The following FLT1 variants were observed in gnomAD, a reference collection of about 807,000 sequenced individuals.
The protein encoded by FLT1 is vascular endothelial growth factor receptor 1.
FLT1 carries 49 observed loss-of-function variants against 156.3 expected under a neutral mutation model. The ratio of observed to expected loss-of-function variants is 0.31; its 90% CI spans 0.25 to 0.40. The LOEUF is 0.40. FLT1 is among the 10% of genes least tolerant of loss of function. The probability of loss-of-function intolerance (pLI) is 1.00; values close to 1 mark genes in which losing one functional copy is unlikely to be tolerated. For missense variants in FLT1, 1,322 were observed against 1,637.2 expected (o/e 0.81, Z 3.32); for synonymous variants, 594 against 583.8 (o/e 1.02, Z -0.25).
At chr13:28,438,690 C>T (rs1878175629) in intron 3 of FLT1, among the ~76,000 whole-genome samples, 7 of 152,222 alleles carry the variant, frequency 4.6e-5, no homozygotes, top group Admixed American at 4.6e-4. Context: ...CTCACCACAG[C>T]TATGCTAAGT....
chr13:28,368,671 C>G, intron 14 of FLT1: 1 of 792,760 alleles, frequency 1.3e-6, no homozygotes, highest in East Asian at 2.7e-5. Context: ...GTTCTAGGTA[C>G]ACAGTAAATA....
chr13:28,386,533 A>G (rs1189473990), intron 13 of FLT1: 1 of 1,052,110 alleles, frequency 9.5e-7, no homozygotes, highest in African/African-American at 1.7e-5. Context: ...AATGAATGAT[A>G]GCAATGATTC....
chr13:28,420,549 G>A (rs943289690), intron 10 of FLT1, among the ~76,000 whole-genome samples: 1 of 152,144 alleles, frequency 6.6e-6, no homozygotes, highest in Non-Finnish European at 1.5e-5. Flanking sequence ...CAAAAGAAGA[G>A]GTCTTAAATT....
intron 1 of FLT1, among the ~76,000 whole-genome samples, chr13:28,473,704 AAG>A (rs1430103342): frequency 1.5e-5 from 1 of 67,220 alleles, no homozygotes; most frequent in Non-Finnish European, 2.8e-5. Flanking sequence ...AAAGAAAAGA[AAG>A]AAAGAAAGAA....
rs749094943 is a variant in FLT1, at chr13:28,303,305, G to A, written c.3879C>T (p.Cys1293=). 6.2e-7 allele frequency: 1 copy of A among 1,614,078 alleles called. No homozygotes were observed. The highest frequency in any genetic ancestry group is 8.5e-7 in the Non-Finnish European group (1 of 1,180,022). ...CGCTGACGTGCCCACAGCTGGAATG[G>A]CAGAAACTGGGCCTGCTGACATCAG... The part of the protein sequence containing the change: ...GLSDVSRPSF[C]HSSCGHVSEG... Residue 1293 remains cysteine (C), a synonymous_variant, in exon 30 of 30, where the codon TGC becomes TGT. Coordinates refer to ENST00000282397, the MANE Select transcript of FLT1 (RefSeq NM_002019.4).
rs1415002879 is a variant in FLT1 at position 28,380,978 on chromosome 13, C to T, written c.2116+3907G>A. ...ATGAGTTGCCCAAATTCTTATATGA[C>T]TCATGAGGGCCATGCTAGGACTCAA... On this transcript the variant is annotated intron_variant, in intron 14 of 29. Coordinates refer to ENST00000282397, the MANE Select transcript of FLT1 (RefSeq NM_002019.4). Among the ~76,000 whole-genome samples the T allele has an allele frequency of 2.6e-5, 4 of 152,078 alleles. No individual in the cohort carries two copies. The East Asian group carries it at 5.8e-4, about 22-fold the overall frequency.
In FLT1 at chr13:28,339,065, A is replaced by G. The variant is rs117330651; in HGVS notation, c.2488+103T>C. 891 of 1,055,730 alleles carry G rather than the reference A, an allele frequency of 8.4e-4. 13 individuals are homozygous for G. In the East Asian group the frequency reaches 0.021, roughly 25 times the overall value. The allele number at this position is 1,055,730 out of a possible 1,614,324, so 65.4% of individuals were successfully genotyped here. ...GCTAGTCTGTGAGCAGCTGGAGGGT[A>G]GAATCCCAGGTCTAGTTTACTTTCG... On this transcript the variant is annotated intron_variant, in intron 17 of 29. Transcript: ENST00000282397.
intron 16 of FLT1, among the ~76,000 whole-genome samples, chr13:28,342,970 T>TCTCTCTG (rs879279415): frequency 1.0e-5 from 1 of 98,042 alleles, no homozygotes; most frequent in African/African-American, 4.0e-5. Flanking sequence ...CTCTCTCTCT[T>TCTCTCTG]TCTTTCTTTC....
intron 1 of FLT1, among the ~76,000 whole-genome samples, chr13:28,478,386 T>C (rs891875297): frequency 6.6e-6 from 1 of 152,206 alleles, no homozygotes; most frequent in Non-Finnish European, 1.5e-5. Flanking sequence ...AGTGTCAAAG[T>C]TCCAGGCATC....
At chr13:28,425,323 T>C (rs563920294) in intron 10 of FLT1, among the ~76,000 whole-genome samples, 24 of 152,340 alleles carry the variant, frequency 1.6e-4, no homozygotes, top group African/African-American at 5.8e-4. Context: ...ATAATTCAAA[T>C]GGCCAACAAA....
chr13:28,348,012 C>A (rs545342340), intron 15 of FLT1, among the ~76,000 whole-genome samples: 21 of 152,316 alleles, frequency 1.4e-4, no homozygotes, highest in African/African-American at 5.1e-4. Context: ...GCAGATTAAT[C>A]ACTTCCTATT....
chr13:28,483,649 A>T (rs1297453572), intron 1 of FLT1, among the ~76,000 whole-genome samples: 1 of 152,188 alleles, frequency 6.6e-6, no homozygotes, highest in Non-Finnish European at 1.5e-5. Flanking sequence ...GGTCTATGTT[A>T]AAGGAATGAT....
At chr13:28,337,542 T>C in intron 17 of FLT1, among the ~76,000 whole-genome samples, 1 of 152,364 alleles carries the variant, frequency 6.6e-6, no homozygotes, top group African/African-American at 2.4e-5. Flanking sequence ...AGCCACACTC[T>C]GTATTGAAAG....
chr13:28,389,516 C>T (rs1874567595), intron 13 of FLT1: 5 of 1,417,260 alleles, frequency 3.5e-6, no homozygotes, highest in Non-Finnish European at 4.6e-6. Context: ...TGCACCAAGT[C>T]GGCCCCCCGG....
rs766436940 is a variant in FLT1, at chr13:28,438,258, C to T, written c.476G>A (p.Arg159Gln). The T allele has an allele frequency of 2.0e-5, 32 of 1,613,676 alleles. No homozygotes were observed. Among genetic ancestry groups the T allele is most frequent in the Admixed American group, 1.5e-4 (9 of 59,994 alleles). Residue 159 changes from arginine to glutamine, a missense_variant, in exon 4 of 30, where the codon CGG (arginine) becomes CAG (glutamine). By Grantham distance (43) the Arg-to-Gln change is conservative. Transcript: ENST00000282397. ...TEGRELVIPCRVTSPNITVTL... is the reference protein window; with the variant it reads ...TEGRELVIPCQVTSPNITVTL... The stretch of plus-strand genomic sequence containing the variant: ...AACAGTGATGTTAGGTGACGTAACC[C>T]GGCAGGGAATGACGAGCTCCCTTCC...
intron 3 of FLT1, among the ~76,000 whole-genome samples, chr13:28,448,670 C>T (rs1045970104): frequency 6.6e-6 from 1 of 152,052 alleles, no homozygotes; most frequent in East Asian, 1.9e-4. Context: ...TAAAATTGAC[C>T]GTGATGATGA....
At chr13:28,335,393 T>C (rs566058541) in intron 17 of FLT1, among the ~76,000 whole-genome samples, 2 of 152,290 alleles carry the variant, frequency 1.3e-5, no homozygotes, top group Admixed American at 1.3e-4. Flanking sequence ...ATGAACCTTC[T>C]TTCCTCCCTT....
chr13:28,300,533 A>ACC lies in FLT1; in HGVS notation c.*2633_*2634insGG, dbSNP rs1870469372. The stretch of plus-strand genomic sequence containing the variant: ...AACACACATACACCCACACACACAC[A>ACC]CACACACACACACACACACACACAT... On this transcript the variant is annotated 3_prime_UTR_variant, in exon 30 of 30. Transcript: ENST00000282397. 2 of 228,412 alleles carry ACC rather than the reference A, an allele frequency of 8.8e-6. No individual in the cohort carries two copies. The highest frequency in any genetic ancestry group is 4.5e-5 in the African/African-American group (2 of 44,840). 14.1% of individuals were successfully genotyped at this position (228,412 alleles called of 1,614,324 possible). A position where few individuals can be genotyped will look rare whatever the true frequency, so the allele number is the denominator to read the frequency against.
chr13:28,346,680 C>T (rs886142513), intron 15 of FLT1, among the ~76,000 whole-genome samples: 2 of 152,058 alleles, frequency 1.3e-5, no homozygotes, highest in Non-Finnish European at 1.5e-5. Context: ...ACTGAACTCC[C>T]GCTTGGGCAA....
Sources: allele counts gnomAD v4.1 joint callset (sites outside exome capture counted in the v4.1 genomes callset), GRCh38; gene constraint gnomAD v4.1.1; transcripts MANE v1.5; gene names NCBI Gene and HGNC (gene_info 2026-07-23, HGNC 2026-07-21).